The following ATP5MC2 variants were observed in gnomAD, a reference collection of about 807,000 sequenced individuals.
ATP5MC2 encodes the protein ATP synthase membrane subunit c locus 2.
Under a neutral mutation model 13.5 loss-of-function variants are expected in ATP5MC2, and 11 were observed. The observed-to-expected ratio is 0.81, with a 90% confidence interval of 0.51 to 1.35. The LOEUF (loss-of-function observed/expected upper bound fraction) is 1.35, where lower values mean the gene tolerates loss of function less well. Among genes scored for constraint, ATP5MC2 ranks in the 40% most tolerant of loss-of-function variants. The probability of loss-of-function intolerance (pLI) is 0.00; values close to 1 mark genes in which losing one functional copy is unlikely to be tolerated. For synonymous variants in ATP5MC2, 64 were observed against 69.7 expected, an observed-to-expected ratio of 0.92 and a Z score of 0.41; for missense variants, 132 against 175.0, an observed-to-expected ratio of 0.75 and a Z score of 1.39.
At chr12:53,671,939 C>T (rs1945105017) in intron 2 of ATP5MC2, among the ~76,000 whole-genome samples, 2 of 151,844 alleles carry the variant, frequency 1.3e-5, no homozygotes, top group African/African-American at 2.4e-5. Flanking sequence ...ACTAAAAATA[C>T]AAAAATTAGC....
intron 4 of ATP5MC2, among the ~76,000 whole-genome samples, chr12:53,667,954 C>CATAT (rs1464740488): frequency 4.4e-4 from 12 of 26,970 alleles, no homozygotes; most frequent in African/African-American, 8.4e-4. Context: ...TACATACACA[C>CATAT]ACATATATAT....
chr12:53,670,939 A>C (rs1227116671), intron 2 of ATP5MC2, among the ~76,000 whole-genome samples: 1 of 151,650 alleles, frequency 6.6e-6, no homozygotes, highest in East Asian at 1.9e-4. Flanking sequence ...ATGGTTTCTA[A>C]TGAATGCATA....
At chr12:53,667,180 C>T (rs1406693909) in intron 4 of ATP5MC2, among the ~76,000 whole-genome samples, 1 of 152,118 alleles carries the variant, frequency 6.6e-6, no homozygotes, top group Non-Finnish European at 1.5e-5. Flanking sequence ...CTCTATTTCT[C>T]AAAAGACATT....
chr12:53,674,790 A>G (rs1945218036), intron 1 of ATP5MC2, among the ~76,000 whole-genome samples: 1 of 152,156 alleles, frequency 6.6e-6, no homozygotes, highest in Non-Finnish European at 1.5e-5. Flanking sequence ...CTCTTGTCCT[A>G]TCTAGAACTC....
Position 53,669,881 on chromosome 12 carries a change from A to G in ATP5MC2, c.107T>C (p.Leu36Pro). The change falls in exon 3 of 5, where the codon CTG becomes CCG. Residue 36 changes from leucine to proline, a missense_variant. Physicochemically the swap from Leu to Pro is moderately conservative, Grantham distance 98 (BLOSUM62 -3). Transcript: ENST00000394349. ...TCCACTGTAAGGTACCTCATCTGTC[A>G]GTATCTCCGGTCGTTTCAGCACCAC... ...SAVVLKRPEI[L>P]TDESLSSLAV... 6.2e-7 allele frequency: 1 copy of G among 1,614,022 alleles called. No individual in the cohort carries two copies. The highest frequency in any genetic ancestry group is 2.2e-5 in the East Asian group (1 of 44,880).
At chr12:53,670,102 C>T (rs1357498904) in intron 2 of ATP5MC2, 154 bp from the exon 3 acceptor site, 3 of 713,876 alleles carry the variant, frequency 4.2e-6, no homozygotes, top group Non-Finnish European at 5.0e-6. Flanking sequence ...ATCATTCTTC[C>T]TTTTAGCAAA....
intron 2 of ATP5MC2, 136 bp from the exon 3 acceptor site, chr12:53,670,084 A>G (rs1945052574): frequency 1.3e-6 from 1 of 763,754 alleles, no homozygotes; most frequent in Non-Finnish European, 2.3e-6. Flanking sequence ...TGTACGTTAG[A>G]GTTTTGGATC....
At position 53,668,310 on chromosome 12, in the gene ATP5MC2, T is replaced by C. The variant is rs570380541; in HGVS notation, c.311+838A>G. On this transcript the variant is annotated intron_variant, in intron 4 of 4. Coordinates refer to ENST00000394349, the MANE Select transcript of ATP5MC2 (RefSeq NM_005176.7). ...GCCTATATTTGTTTTTTTCTTTTTTTTTTTTCCCCAAAGTCTCACTCTGTC... is the reference window on the plus strand; with the variant it reads ...GCCTATATTTGTTTTTTTCTTTTTTCTTTTTCCCCAAAGTCTCACTCTGTC... Among the ~76,000 whole-genome samples the C allele has an allele frequency of 1.6e-3, 237 of 151,286 alleles. 1 individual carries two copies. Among genetic ancestry groups the C allele is most frequent in the African/African-American group, 5.7e-3 (235 of 41,302 alleles).
chr12:53,677,854 C>CT (rs1438643032), upstream of ATP5MC2, among the ~76,000 whole-genome samples: 2 of 152,214 alleles, frequency 1.3e-5, no homozygotes, highest in East Asian at 3.8e-4. Flanking sequence ...AGTTTATCCC[C>CT]TGAGGTCTCC....
chr12:53,675,239 A>C (rs1945229866), intron 1 of ATP5MC2, among the ~76,000 whole-genome samples: 1 of 152,188 alleles, frequency 6.6e-6, no homozygotes, highest in Non-Finnish European at 1.5e-5. Context: ...TCCTTGTAAC[A>C]GCAGAATCTG....
intron 3 of ATP5MC2, 26 bp from the exon 4 acceptor site, chr12:53,669,367 TAA>T: frequency 6.3e-7 from 1 of 1,597,968 alleles, no homozygotes; most frequent in Non-Finnish European, 8.5e-7. Context: ...AGGTAGAAGG[TAA>T]AGTTTTTTGC....
At chr12:53,676,174 A>G, upstream of ATP5MC2, 1 of 1,614,240 alleles carries the variant, frequency 6.2e-7, no homozygotes. Context: ...ATTGCAACAT[A>G]CAGGATCAGC....
chr12:53,680,315 G>A (rs1945333956), upstream of ATP5MC2, among the ~76,000 whole-genome samples: 1 of 152,182 alleles, frequency 6.6e-6, no homozygotes, highest in African/African-American at 2.4e-5. Flanking sequence ...CATCTGCTAT[G>A]TGCAAAGTAT....
chr12:53,680,651 G>A (rs1174619746), upstream of ATP5MC2, among the ~76,000 whole-genome samples: 5 of 151,584 alleles, frequency 3.3e-5, no homozygotes, highest in Admixed American at 6.6e-5. Context: ...GCAACATAGC[G>A]AGACCCCATT....
chr12:53,672,674 G>A lies in ATP5MC2; in HGVS notation c.-31-29C>T, dbSNP rs200709272. ...GAATTACAGAAGCAGTATTGTAAACGCTCCTTATTCACTAAACTATATCCT... is the reference window on the plus strand; with the variant it reads ...GAATTACAGAAGCAGTATTGTAAACACTCCTTATTCACTAAACTATATCCT... On this transcript the variant is annotated intron_variant, in intron 1 of 4. Transcript: ENST00000394349. The A allele has an allele frequency of 3.5e-5, 55 of 1,551,448 alleles. No individual in the cohort carries two copies. The East Asian group carries it at 1.0e-3, about 28-fold the overall frequency.
At chr12:53,679,985 T>A (rs185635040), upstream of ATP5MC2, among the ~76,000 whole-genome samples, 14 of 152,336 alleles carry the variant, frequency 9.2e-5, no homozygotes, top group Middle Eastern at 6.8e-3. Flanking sequence ...GTTTATTTTT[T>A]AATTTATTTT....
chr12:53,676,202 G>T (rs182578409), upstream of ATP5MC2: 69 of 1,610,662 alleles, frequency 4.3e-5, no homozygotes, highest in Admixed American at 1.1e-3. Context: ...TCACAGCGCC[G>T]CCTGCCAGGG....
upstream of ATP5MC2, chr12:53,677,407 G>C (rs1017565589): frequency 3.3e-5 from 5 of 152,348 alleles, no homozygotes; most frequent in Middle Eastern, 3.4e-3. Flanking sequence ...ATGTAATTTT[G>C]CCCGGATGAG....
chr12:53,673,034 C>T (rs903831656), intron 1 of ATP5MC2: 5 of 179,510 alleles, frequency 2.8e-5, no homozygotes, highest in Non-Finnish European at 5.9e-5. Context: ...TAAAAGTTGC[C>T]GTTTAGGCTG....
Sources: gnomAD v4.1 joint callset for allele counts (sites outside exome capture counted in the v4.1 genomes callset) on GRCh38, gnomAD v4.1.1 for gene constraint, MANE v1.5 for transcripts, NCBI Gene and HGNC (gene_info 2026-07-23, HGNC 2026-07-21) for gene names.